The following MIR2052HG variants were observed in gnomAD, a reference collection of about 807,000 sequenced individuals.
MIR2052HG encodes the protein MIR2052 host gene.
intron 2 of MIR2052HG, among the ~76,000 whole-genome samples, chr8:74,661,481 G>T (rs75349700): frequency 5.9e-5 from 9 of 152,218 alleles, no homozygotes; most frequent in African/African-American, 2.2e-4. Flanking sequence ...GATTACAGGC[G>T]TGAGTCACTG....
At chr8:74,718,518 C>T (rs1372909898) in intron 4 of MIR2052HG, among the ~76,000 whole-genome samples, 1 of 152,140 alleles carries the variant, frequency 6.6e-6, no homozygotes, top group African/African-American at 2.4e-5. Context: ...ATACTTCTTC[C>T]TTTTAAAGGA....
chr8:74,755,396 GAGA>G (rs1809988923), intron 5 of MIR2052HG, among the ~76,000 whole-genome samples: 1 of 152,210 alleles, frequency 6.6e-6, no homozygotes, highest in African/African-American at 2.4e-5. Flanking sequence ...GGTTTCAGTT[GAGA>G]AGATTTATTT....
At chr8:74,675,701 C>A (rs1300745700) in intron 2 of MIR2052HG, among the ~76,000 whole-genome samples, 2 of 151,746 alleles carry the variant, frequency 1.3e-5, no homozygotes, top group East Asian at 3.9e-4. Flanking sequence ...AAATAAGGAT[C>A]CAGGCATATA....
intron 2 of MIR2052HG, among the ~76,000 whole-genome samples, chr8:74,650,076 G>A (rs1808736106): frequency 6.6e-6 from 1 of 151,682 alleles, no homozygotes; most frequent in African/African-American, 2.4e-5. Context: ...ATATTTATTA[G>A]TGAAATTTCC....
chr8:74,723,323 A>T (rs556302513), intron 4 of MIR2052HG, among the ~76,000 whole-genome samples: 1 of 152,318 alleles, frequency 6.6e-6, no homozygotes, highest in East Asian at 1.9e-4. Flanking sequence ...TGGCAAGCCA[A>T]ATTGATGGAA....
At chr8:74,687,197 A>G (rs1809189710) in intron 2 of MIR2052HG, among the ~76,000 whole-genome samples, 1 of 152,158 alleles carries the variant, frequency 6.6e-6, no homozygotes, top group Non-Finnish European at 1.5e-5. Flanking sequence ...CCAAAATATA[A>G]GTGTTGGTGG....
chr8:74,670,644 A>G (rs1012557782), intron 2 of MIR2052HG, among the ~76,000 whole-genome samples: 1 of 152,186 alleles, frequency 6.6e-6, no homozygotes, highest in Non-Finnish European at 1.5e-5. Flanking sequence ...CTTAAACAAA[A>G]CATGGAAGGA....
At chr8:74,696,501 A>C (rs1057472551) in intron 2 of MIR2052HG, among the ~76,000 whole-genome samples, 2 of 152,136 alleles carry the variant, frequency 1.3e-5, no homozygotes, top group African/African-American at 4.8e-5. Flanking sequence ...AAATTGAAAC[A>C]AAAAAACACA....
At chr8:74,681,529 G>A (rs13274328) in intron 2 of MIR2052HG, among the ~76,000 whole-genome samples, 36,779 of 152,016 alleles carry the variant, frequency 0.24, 5,466 homozygotes, top group East Asian at 0.65. Context: ...TGCAAAACTC[G>A]TGTTGAAATT....
intron 2 of MIR2052HG, among the ~76,000 whole-genome samples, chr8:74,696,017 A>C (rs1809292248): frequency 6.6e-6 from 1 of 152,198 alleles, no homozygotes; most frequent in Admixed American, 6.5e-5. Context: ...ACTGCAGAAC[A>C]TACAGTCTTT....
chr8:74,700,496 G>A (rs1189409088), intron 2 of MIR2052HG, among the ~76,000 whole-genome samples: 1 of 152,080 alleles, frequency 6.6e-6, no homozygotes, highest in Non-Finnish European at 1.5e-5. Context: ...AACAATACTA[G>A]CTATATCAAA....
At chr8:74,654,360 A>G (rs775453163) in intron 2 of MIR2052HG, among the ~76,000 whole-genome samples, 5 of 152,120 alleles carry the variant, frequency 3.3e-5, no homozygotes, top group African/African-American at 7.2e-5. Flanking sequence ...CAAAAGATAC[A>G]TGGGTGTTTC....
intron 2 of MIR2052HG, among the ~76,000 whole-genome samples, chr8:74,669,476 G>A (rs1196969623): frequency 6.6e-6 from 1 of 152,204 alleles, no homozygotes; most frequent in Non-Finnish European, 1.5e-5. Context: ...CTGGCAGACA[G>A]AGAGATCTTA....
intron 2 of MIR2052HG, among the ~76,000 whole-genome samples, chr8:74,684,669 G>A (rs1383047477): frequency 6.6e-6 from 1 of 151,980 alleles, no homozygotes; most frequent in Non-Finnish European, 1.5e-5. Flanking sequence ...GTTTTTTGTT[G>A]ACTTGCAACC....
chr8:74,688,898 G>A lies in MIR2052HG; in HGVS notation n.217-13481G>A, dbSNP rs192575068. ...CATAGCTTATCTCCCACTTATGAGTGAGAACATAAGATGTTTGGTCTTCCA... is the reference window on the plus strand; with the variant it reads ...CATAGCTTATCTCCCACTTATGAGTAAGAACATAAGATGTTTGGTCTTCCA... On this transcript the variant is annotated intron_variant and non_coding_transcript_variant, in intron 2 of 6. Coordinates refer to ENST00000523442, the Ensembl canonical transcript of MIR2052HG. Among the ~76,000 whole-genome samples the A allele has an allele frequency of 3.4e-4, 52 of 152,118 alleles. No individual in the cohort carries two copies. The East Asian group carries it at 9.5e-3, about 28-fold the overall frequency.
chr8:74,637,588 T>C (rs892617684), intron 2 of MIR2052HG, among the ~76,000 whole-genome samples: 4 of 152,122 alleles, frequency 2.6e-5, no homozygotes, highest in African/African-American at 9.7e-5. Flanking sequence ...GAAATATAAA[T>C]AGCACACTTT....
chr8:74,675,797 A>C (rs1255091309), intron 2 of MIR2052HG, among the ~76,000 whole-genome samples: 1 of 151,982 alleles, frequency 6.6e-6, no homozygotes, highest in African/African-American at 2.4e-5. Flanking sequence ...AGAGGATGAA[A>C]ACAATCTTCA....
rs7839431 is a variant in MIR2052HG at position 74,750,249 on chromosome 8, T to G, written n.372-2192T>G. 8.6e-3 allele frequency among the ~76,000 whole-genome samples: 1,303 copies of G among 152,322 alleles called. 16 individuals are homozygous for G. The highest frequency in any genetic ancestry group is 0.029 in the African/African-American group (1,221 of 41,578). On this transcript the variant is annotated intron_variant and non_coding_transcript_variant, in intron 4 of 6. Transcript: ENST00000523442. ...ATGCCTTTGTAAGATATTAAACATC[T>G]AAGTGAAAAATCAAGACCATGGTTA...
At chr8:74,635,663 G>T (rs756523599) in intron 2 of MIR2052HG, among the ~76,000 whole-genome samples, 1 of 152,134 alleles carries the variant, frequency 6.6e-6, no homozygotes, top group Non-Finnish European at 1.5e-5. Context: ...ATGTCAACAC[G>T]TAATTCGTGG....
Sources: gnomAD v4.1 joint callset for allele counts (sites outside exome capture counted in the v4.1 genomes callset) on GRCh38, gnomAD v4.1.1 for gene constraint, MANE v1.5 for transcripts, NCBI Gene and HGNC (gene_info 2026-07-23, HGNC 2026-07-21) for gene names.